The following MMP26 variants were observed in gnomAD, a reference collection of about 807,000 sequenced individuals.
MMP26 encodes matrix metalloproteinase-26.
A neutral mutation model predicts 31.0 loss-of-function variants in MMP26; 33 were observed. The observed-to-expected ratio is 1.06, with a 90% CI of 0.81 to 1.42. The LOEUF is 1.42. Ranked by LOEUF, MMP26 falls within the 40% of genes most tolerant of loss-of-function variation. MMP26 has a pLI of 0.00. For missense variants in MMP26, 347 were observed against 316.1 expected (o/e 1.10, Z -0.74); for synonymous variants, 122 against 114.9 (o/e 1.06, Z -0.40).
chr11:4,778,717 A>G (rs1848820831), intron 2 of MMP26, among the ~76,000 whole-genome samples: 1 of 152,060 alleles, frequency 6.6e-6, no homozygotes, highest in Non-Finnish European at 1.5e-5. Context: ...CTTGTTTAAA[A>G]TATTAAACCT....
At chr11:4,748,576 C>CAAAAAAAA (rs376553434) in intron 1 of MMP26, among the ~76,000 whole-genome samples, 6 of 122,720 alleles carry the variant, frequency 4.9e-5, no homozygotes, top group African/African-American at 1.4e-4. Context: ...AACAGCACAT[C>CAAAAAAAA]AAAAAAAAAA....
chr11:4,907,697 A>T (rs1850920993), intron 2 of MMP26: 1 of 1,613,932 alleles, frequency 6.2e-7, no homozygotes, highest in Non-Finnish European at 8.5e-7. Flanking sequence ...ATTCACTGTC[A>T]TGGAATCCTC....
At chr11:4,900,478 T>C (rs1850783988) in intron 2 of MMP26, among the ~76,000 whole-genome samples, 1 of 152,212 alleles carries the variant, frequency 6.6e-6, no homozygotes, top group South Asian at 2.1e-4. Context: ...AGAAGTTTTA[T>C]CAGCCTTGTT....
At chr11:4,977,926 T>A (rs1413313870) in intron 2 of MMP26, among the ~76,000 whole-genome samples, 1 of 151,968 alleles carries the variant, frequency 6.6e-6, no homozygotes, top group Non-Finnish European at 1.5e-5. Flanking sequence ...CCAAATCTCA[T>A]CTTAAATTGA....
intron 2 of MMP26, among the ~76,000 whole-genome samples, chr11:4,822,838 A>G (rs1391360655): frequency 6.6e-6 from 1 of 152,130 alleles, no homozygotes; most frequent in African/African-American, 2.4e-5. Flanking sequence ...GTAATTCCAC[A>G]TTGGGTCTTA....
At chr11:4,954,632 C>T in intron 2 of MMP26, 1 of 550,602 alleles carries the variant, frequency 1.8e-6, no homozygotes, top group Non-Finnish European at 3.2e-6. Flanking sequence ...TTCCCATTCT[C>T]AGTATCTAGA....
chr11:4,810,857 A>T (rs1849340367), intron 2 of MMP26, among the ~76,000 whole-genome samples: 1 of 152,230 alleles, frequency 6.6e-6, no homozygotes, highest in East Asian at 1.9e-4. Flanking sequence ...CTAAACACTG[A>T]GGAAGATTTG....
intron 2 of MMP26, among the ~76,000 whole-genome samples, chr11:4,854,992 G>A (rs1321999817): frequency 6.6e-6 from 1 of 152,224 alleles, no homozygotes; most frequent in African/African-American, 2.4e-5. Context: ...CAGAGCTACA[G>A]CTAAGGGTCC....
intron 2 of MMP26, among the ~76,000 whole-genome samples, chr11:4,932,359 G>A (rs1851362403): frequency 6.6e-6 from 1 of 152,096 alleles, no homozygotes; most frequent in African/African-American, 2.4e-5. Context: ...CAGTGGAAAC[G>A]ACTCTTTATT....
At chr11:4,743,983 A>AT (rs113476062) in intron 1 of MMP26, among the ~76,000 whole-genome samples, 9,176 of 151,440 alleles carry the variant, frequency 0.061, 643 homozygotes, top group African/African-American at 0.17. Flanking sequence ...TTGTTTTTGT[A>AT]TTTTTTTTAG....
At chr11:4,812,623 G>A (rs538677912) in intron 2 of MMP26, among the ~76,000 whole-genome samples, 3 of 152,264 alleles carry the variant, frequency 2.0e-5, no homozygotes, top group Non-Finnish European at 4.4e-5. Context: ...TTGGATAGAG[G>A]GAACAATCTA....
At chr11:4,898,911 A>G (rs868677247) in intron 2 of MMP26, among the ~76,000 whole-genome samples, 3 of 150,356 alleles carry the variant, frequency 2.0e-5, no homozygotes, top group South Asian at 4.2e-4. Context: ...AATGTGAAGG[A>G]AGCTTTATTA....
chr11:4,823,777 G>A (rs1849544089), intron 2 of MMP26, among the ~76,000 whole-genome samples: 1 of 152,084 alleles, frequency 6.6e-6, no homozygotes, highest in African/African-American at 2.4e-5. Context: ...TTTTCCTGTT[G>A]CTAAGTATAT....
chr11:4,751,828 G>A (rs1390836036), intron 1 of MMP26, among the ~76,000 whole-genome samples: 5 of 152,210 alleles, frequency 3.3e-5, no homozygotes, highest in Non-Finnish European at 5.9e-5. Context: ...GTTGGAACAA[G>A]GTAACTAAGA....
intron 2 of MMP26, among the ~76,000 whole-genome samples, chr11:4,839,571 T>G (rs1849766573): frequency 6.6e-6 from 1 of 151,714 alleles, no homozygotes; most frequent in Admixed American, 6.6e-5. Flanking sequence ...AGATGGCATT[T>G]CTAGACACAT....
intron 2 of MMP26, among the ~76,000 whole-genome samples, chr11:4,898,523 G>A (rs1271352972): frequency 6.6e-6 from 1 of 151,982 alleles, no homozygotes; most frequent in East Asian, 1.9e-4. Context: ...GCAGAAAATT[G>A]TTCTTTTCAG....
intron 2 of MMP26, among the ~76,000 whole-genome samples, chr11:4,822,950 C>T (rs1366922232): frequency 6.6e-6 from 1 of 152,096 alleles, no homozygotes; most frequent in Non-Finnish European, 1.5e-5. Flanking sequence ...CTGCTGTTAG[C>T]TGAAGAGTTA....
intron 2 of MMP26, chr11:4,821,832 C>G (rs1328296943): frequency 1.2e-6 from 2 of 1,613,084 alleles, no homozygotes; most frequent in African/African-American, 2.7e-5. Flanking sequence ...ACACTACCAT[C>G]CTTACCAATG....
chr11:4,872,058 T>A (rs1850317778), intron 2 of MMP26, among the ~76,000 whole-genome samples: 1 of 152,080 alleles, frequency 6.6e-6, no homozygotes, highest in Admixed American at 6.6e-5. Flanking sequence ...TGACCCTTGT[T>A]TTTCTAGTGC....
Sources: gnomAD v4.1 joint callset for allele counts (sites outside exome capture counted in the v4.1 genomes callset) on GRCh38, gnomAD v4.1.1 for gene constraint, MANE v1.5 for transcripts, NCBI Gene and HGNC (gene_info 2026-07-23, HGNC 2026-07-21) for gene names.